KYNU: variants seen among roughly 807,000 people sequenced by gnomAD.
KYNU encodes the protein kynureninase.
In KYNU, 54 loss-of-function variants were observed where a neutral mutation model predicts 59.2. The observed-to-expected ratio is 0.91, with a 90% CI of 0.73 to 1.14. The LOEUF is 1.14. Ranked by LOEUF, KYNU falls within the 50% of genes most tolerant of loss-of-function variation. KYNU has a pLI of 0.00. For missense variants in KYNU, 567 were observed against 554.4 expected (o/e 1.02, Z -0.23); for synonymous variants, 177 against 192.0 (o/e 0.92, Z 0.65).
At chr2:143,035,062 G>A (rs1686857058) in intron 12 of KYNU, among the ~76,000 whole-genome samples, 1 of 152,136 alleles carries the variant, frequency 6.6e-6, no homozygotes, top group South Asian at 2.1e-4. Context: ...CACTGTATTA[G>A]AGTCACCTAG....
Position 142,989,596 on chromosome 2 carries a change from T to C in KYNU, c.902+3575T>C, listed in dbSNP as rs181100555. 64 of 646,792 alleles carry C rather than the reference T, an allele frequency of 9.9e-5. 1 individual carries two copies. In the African/African-American group the frequency reaches 1.2e-3, roughly 12 times the overall value. 40.1% of individuals were successfully genotyped at this position (646,792 alleles called of 1,614,324 possible). ...AACAAGTATTTTGAAGTATATATGT[T>C]TGAATTATGTGTTCTTCTTTTTGAC... On this transcript the variant is annotated intron_variant, in intron 10 of 13. Transcript: ENST00000264170.
chr2:142,885,755 A>G (rs1458167486), intron 2 of KYNU, among the ~76,000 whole-genome samples: 1 of 152,188 alleles, frequency 6.6e-6, no homozygotes, highest in Non-Finnish European at 1.5e-5. Flanking sequence ...AAATACATGC[A>G]GGGTACTTAT....
chr2:142,998,817 G>A (rs929524905), intron 10 of KYNU, among the ~76,000 whole-genome samples: 1 of 151,870 alleles, frequency 6.6e-6, no homozygotes, highest in African/African-American at 2.4e-5. Flanking sequence ...GACCATCCTG[G>A]CCAACACAGT....
At chr2:142,964,353 T>C (rs1296674029) in intron 8 of KYNU, among the ~76,000 whole-genome samples, 1 of 152,182 alleles carries the variant, frequency 6.6e-6, no homozygotes, top group Non-Finnish European at 1.5e-5. Flanking sequence ...TGTATATTTA[T>C]TTCTAATCAA....
chr2:142,892,948 T>A (rs1681759421), intron 2 of KYNU, among the ~76,000 whole-genome samples: 1 of 152,152 alleles, frequency 6.6e-6, no homozygotes, highest in Admixed American at 6.5e-5. Context: ...AAGGTTTCAG[T>A]TTGCCTCATG....
At chr2:142,978,301 T>A (rs138865560) in intron 8 of KYNU, among the ~76,000 whole-genome samples, 1 of 152,304 alleles carries the variant, frequency 6.6e-6, no homozygotes, top group African/African-American at 2.4e-5. Context: ...TTTCCCATTA[T>A]ACTTTTTAAA....
At position 142,887,102 on chromosome 2, in the gene KYNU, A is replaced by C. The variant is rs531064109; in HGVS notation, c.169+1566A>C. On this transcript the variant is annotated intron_variant, in intron 2 of 13. Coordinates refer to ENST00000264170, the MANE Select transcript of KYNU (RefSeq NM_003937.3). Reference sequence around the variant, plus strand: ...GGAGAATGGCTTGAACCCGGGAGGCAGAGCTTGCAGAGAGCGGAGACTGCA... The same window carrying C: ...GGAGAATGGCTTGAACCCGGGAGGCCGAGCTTGCAGAGAGCGGAGACTGCA... Among the ~76,000 whole-genome samples, 336 of 152,102 alleles carry C rather than the reference A, an allele frequency of 2.2e-3. 1 individual carries two copies. Among genetic ancestry groups the C allele is most frequent in the African/African-American group, 7.6e-3 (316 of 41,486 alleles).
At chr2:143,014,607 C>T (rs1159210397) in intron 10 of KYNU, among the ~76,000 whole-genome samples, 1 of 152,118 alleles carries the variant, frequency 6.6e-6, no homozygotes, top group Non-Finnish European at 1.5e-5. Context: ...AATTTTTGTT[C>T]TATATGCACC....
chr2:142,986,737 A>G (rs1281782985), intron 10 of KYNU, among the ~76,000 whole-genome samples: 22 of 151,662 alleles, frequency 1.5e-4, no homozygotes, highest in Non-Finnish European at 2.8e-4. Flanking sequence ...AACCCTTTTC[A>G]TAGTTGTTGT....
intron 12 of KYNU, among the ~76,000 whole-genome samples, chr2:143,037,863 C>G (rs1686930869): frequency 1.3e-5 from 2 of 152,172 alleles, no homozygotes; most frequent in Non-Finnish European, 1.5e-5. Context: ...TCAGAATAGA[C>G]TTTTACCCTC....
intron 10 of KYNU, among the ~76,000 whole-genome samples, chr2:142,987,145 A>G (rs1409770310): frequency 6.6e-6 from 1 of 151,878 alleles, no homozygotes; most frequent in Non-Finnish European, 1.5e-5. Context: ...AAAAGCAAAT[A>G]TTATAAGAAT....
At chr2:142,882,193 A>G (rs1308664584) in intron 1 of KYNU, among the ~76,000 whole-genome samples, 1 of 152,010 alleles carries the variant, frequency 6.6e-6, no homozygotes, top group Non-Finnish European at 1.5e-5. Context: ...TCTATCCACC[A>G]GTCCTATCTA....
intron 2 of KYNU, among the ~76,000 whole-genome samples, chr2:142,898,760 G>A (rs1300181035): frequency 6.6e-6 from 1 of 152,204 alleles, no homozygotes; most frequent in Non-Finnish European, 1.5e-5. Context: ...TTTGTTCTCT[G>A]ACCTTGGGTT....
At chr2:143,002,370 C>T (rs1685729244) in intron 10 of KYNU, among the ~76,000 whole-genome samples, 1 of 152,104 alleles carries the variant, frequency 6.6e-6, no homozygotes, top group Admixed American at 6.5e-5. Flanking sequence ...TTCTTTTTTC[C>T]TAAGAACACA....
intron 2 of KYNU, among the ~76,000 whole-genome samples, chr2:142,896,499 A>G (rs1681882082): frequency 6.6e-6 from 1 of 151,554 alleles, no homozygotes; most frequent in Non-Finnish European, 1.5e-5. Flanking sequence ...TTTGTTTTTT[A>G]ATTGTTGAGT....
At chr2:143,032,372 G>A (rs142764674) in intron 11 of KYNU, among the ~76,000 whole-genome samples, 3 of 151,664 alleles carry the variant, frequency 2.0e-5, no homozygotes, top group Non-Finnish European at 2.9e-5. Context: ...CATGAGAACG[G>A]CATGCAGGAA....
chr2:142,896,694 C>T (rs1055902983), intron 2 of KYNU, among the ~76,000 whole-genome samples: 1 of 152,064 alleles, frequency 6.6e-6, no homozygotes. Context: ...GCTTTGTTGC[C>T]CAGACTGGTC....
At chr2:142,886,208 AG>A (rs779989958) in intron 2 of KYNU, among the ~76,000 whole-genome samples, 1 of 152,222 alleles carries the variant, frequency 6.6e-6, no homozygotes, top group Admixed American at 6.5e-5. Context: ...TTAATAAAAA[AG>A]GTTCCCAGGT....
At chr2:142,977,372 G>GAGATAT (rs1553484697) in intron 8 of KYNU, among the ~76,000 whole-genome samples, 1 of 131,150 alleles carries the variant, frequency 7.6e-6, no homozygotes. Flanking sequence ...ATTTTGTGTG[G>GAGATAT]ATATATATAT....
Sources: gnomAD v4.1 joint callset for allele counts (sites outside exome capture counted in the v4.1 genomes callset) on GRCh38, gnomAD v4.1.1 for gene constraint, MANE v1.5 for transcripts, NCBI Gene and HGNC (gene_info 2026-07-23, HGNC 2026-07-21) for gene names.